The following FBXW2 variants were observed in gnomAD, a reference collection of about 807,000 sequenced individuals.
FBXW2 encodes F-box/WD repeat-containing protein 2.
In FBXW2, 12 loss-of-function variants were observed where a neutral mutation model predicts 46.0. The observed-to-expected ratio is 0.26, with a 90% CI of 0.17 to 0.42. The LOEUF (loss-of-function observed/expected upper bound fraction) is 0.42. FBXW2 is among the 10% of genes least tolerant of loss of function. FBXW2 has a pLI of 1.00. For synonymous variants in FBXW2, 203 were observed against 209.6 expected, an observed-to-expected ratio of 0.97 and a Z score of 0.27; for missense variants, 360 against 537.0, an observed-to-expected ratio of 0.67 and a Z score of 3.26.
intron 5 of FBXW2, among the ~76,000 whole-genome samples, chr9:120,773,190 A>C (rs1361332079): frequency 9.2e-6 from 1 of 108,966 alleles, no homozygotes; most frequent in South Asian, 2.5e-4. Flanking sequence ...ACAACGCTTA[A>C]AAAAAAAAAA....
chr9:120,765,613 G>C (rs2044262819), intron 7 of FBXW2, among the ~76,000 whole-genome samples: 1 of 152,150 alleles, frequency 6.6e-6, no homozygotes, highest in Non-Finnish European at 1.5e-5. Flanking sequence ...TCAACTCCTA[G>C]AATACTGGAA....
At chr9:120,772,872 CT>C in intron 5 of FBXW2, 32 bp from the exon 6 acceptor site, 1 of 1,364,464 alleles carries the variant, frequency 7.3e-7, no homozygotes, top group Non-Finnish European at 1.0e-6. Context: ...CGGAAAGATC[CT>C]TTTAATGCTG....
chr9:120,758,175 C>CA lies in FBXW2; in HGVS notation c.*6383dup, dbSNP rs2044149596. On this transcript the variant is annotated 3_prime_UTR_variant, in exon 8 of 8. Transcript: ENST00000608872. The stretch of plus-strand genomic sequence containing the variant: ...AATGAACTGCACCACTAACCTTACA[C>CA]AAAAATGCTCAGTGAGGCTGGAGTG... 1 of 152,150 alleles carries CA rather than the reference C, an allele frequency of 6.6e-6. No individual in the cohort carries two copies. The highest frequency in any genetic ancestry group is 1.5e-5 in the Non-Finnish European group (1 of 68,036). 9.4% of individuals were successfully genotyped at this position (152,150 alleles called of 1,614,324 possible).
chr9:120,782,057 G>A (rs1001386563), intron 3 of FBXW2, among the ~76,000 whole-genome samples: 1 of 151,312 alleles, frequency 6.6e-6, no homozygotes, highest in African/African-American at 2.4e-5. Context: ...ATTCTGAGAT[G>A]TTATGATATG....
intron 4 of FBXW2, among the ~76,000 whole-genome samples, chr9:120,777,823 A>T (rs947437231): frequency 1.3e-5 from 2 of 151,860 alleles, no homozygotes; most frequent in African/African-American, 4.8e-5. Context: ...GGAAACATTC[A>T]GGTATGTTTC....
chr9:120,778,008 G>A (rs965106713), intron 4 of FBXW2, among the ~76,000 whole-genome samples: 3 of 151,702 alleles, frequency 2.0e-5, no homozygotes, highest in African/African-American at 4.8e-5. Flanking sequence ...CAGTTCAGAG[G>A]TATGGAATCT....
chr9:120,784,572 T>C (rs13297931), intron 3 of FBXW2, among the ~76,000 whole-genome samples: 20,060 of 150,742 alleles, frequency 0.13, 1,424 homozygotes, highest in Middle Eastern at 0.17. Context: ...CAAGATCACA[T>C]CATTGCACTC....
At chr9:120,769,465 C>T (rs2044332106) in intron 7 of FBXW2, among the ~76,000 whole-genome samples, 1 of 152,184 alleles carries the variant, frequency 6.6e-6, no homozygotes, top group African/African-American at 2.4e-5. Flanking sequence ...CACAAGCATA[C>T]ATGAGAAAGC....
At chr9:120,765,006 G>A (rs893580901) in intron 7 of FBXW2, among the ~76,000 whole-genome samples, 159 bp from the exon 8 acceptor site, 2 of 151,912 alleles carry the variant, frequency 1.3e-5, no homozygotes, top group African/African-American at 4.8e-5. Context: ...GAAAAGCTCA[G>A]CCCACTTATA....
intron 7 of FBXW2, among the ~76,000 whole-genome samples, chr9:120,768,977 C>A (rs575806126): frequency 4.5e-4 from 68 of 152,298 alleles, no homozygotes; most frequent in Non-Finnish European, 9.0e-4. Context: ...GACTGAAACA[C>A]AAATATGTTG....
rs1436945059 is a variant in FBXW2, at chr9:120,764,639, G to A, written c.1285C>T (p.His429Tyr). ...EASWLNGLDG[H>Y]NDTGLVFATS... is the part of the protein sequence containing the mutation. ...GCAAAGACCAAGCCCGTGTCATTGTGCCCATCCAGTCCATTCAGCCAGGAT... is the reference window on the plus strand; with the variant it reads ...GCAAAGACCAAGCCCGTGTCATTGTACCCATCCAGTCCATTCAGCCAGGAT... The change falls in exon 8 of 8, where the codon CAC (histidine) becomes TAC (tyrosine). Residue 429 changes from histidine (H) to tyrosine (Y), a missense_variant. By Grantham distance (83) the His-to-Tyr change is moderately conservative. Transcript: ENST00000608872. The A allele has an allele frequency of 1.2e-6, 2 of 1,614,186 alleles. No homozygotes were observed. Among genetic ancestry groups the A allele is most frequent in the South Asian group, 2.2e-5 (2 of 91,084 alleles).
At position 120,770,148 on chromosome 9, in the gene FBXW2, G is replaced by A. The variant is rs574153186; in HGVS notation, c.1076+1200C>T. 1.1e-4 allele frequency among the ~76,000 whole-genome samples: 16 copies of A among 152,222 alleles called. No individual in the cohort carries two copies. The South Asian group carries it at 1.5e-3, about 14-fold the overall frequency. ...TCCCAGCACTTTGGGAGGCCGAGGC[G>A]GGTGGATCACGAGGTCAGGAGATTG... On this transcript the variant is annotated intron_variant, in intron 7 of 7. Transcript: ENST00000608872.
intron 5 of FBXW2, 121 bp from the exon 6 acceptor site, chr9:120,772,961 C>A: frequency 1.5e-6 from 1 of 683,482 alleles, no homozygotes; most frequent in Non-Finnish European, 2.5e-6. Flanking sequence ...AGCCATAACT[C>A]CATTACCAAA....
In FBXW2 at chr9:120,772,787, G is replaced by A; in HGVS notation, c.873C>T (p.Tyr291=). 6.3e-7 allele frequency: 1 copy of A among 1,577,670 alleles called. No individual in the cohort carries two copies. The highest frequency in any genetic ancestry group is 8.6e-7 in the Non-Finnish European group (1 of 1,168,728). The change falls in exon 6 of 8, where the codon TAC becomes TAT. Residue 291 remains tyrosine (Y), a synonymous_variant. Transcript: ENST00000608872. ...VKSLLHSPGD[Y]ILLSADKYEI... is the part of the protein sequence containing the mutation. ...CATATTTGTCTGCACTTAAGAGGATGTAGTCTCCAGGACTGTGCAAGAGAG... is the reference window on the plus strand; with the variant it reads ...CATATTTGTCTGCACTTAAGAGGATATAGTCTCCAGGACTGTGCAAGAGAG...
chr9:120,781,457 G>A (rs980734339), intron 3 of FBXW2, among the ~76,000 whole-genome samples: 1 of 152,228 alleles, frequency 6.6e-6, no homozygotes, highest in South Asian at 2.1e-4. Flanking sequence ...AGGTTTGGCT[G>A]CAGAACTGGG....
chr9:120,778,774 T>C (rs375521675), intron 3 of FBXW2, among the ~76,000 whole-genome samples: 6 of 152,142 alleles, frequency 3.9e-5, no homozygotes, highest in Admixed American at 1.3e-4. Context: ...TGAGACACTT[T>C]CCCTTAACTT....
At chr9:120,769,107 G>A (rs2044326354) in intron 7 of FBXW2, among the ~76,000 whole-genome samples, 1 of 152,226 alleles carries the variant, frequency 6.6e-6, no homozygotes, top group African/African-American at 2.4e-5. Flanking sequence ...CTTACATGCT[G>A]TAGAGATAAC....
chr9:120,786,791 G>A (rs1031992539), intron 3 of FBXW2, among the ~76,000 whole-genome samples: 1 of 152,102 alleles, frequency 6.6e-6, no homozygotes, highest in East Asian at 1.9e-4. Context: ...CTGTCAAAAT[G>A]TATTATCTAA....
At chr9:120,768,109 C>T (rs1384289367) in intron 7 of FBXW2, among the ~76,000 whole-genome samples, 1 of 152,174 alleles carries the variant, frequency 6.6e-6, no homozygotes, top group Non-Finnish European at 1.5e-5. Flanking sequence ...TCAAATGTAC[C>T]TGAGGCTCCT....
Sources: gnomAD v4.1 joint callset for allele counts (sites outside exome capture counted in the v4.1 genomes callset) on GRCh38, gnomAD v4.1.1 for gene constraint, MANE v1.5 for transcripts, NCBI Gene and HGNC (gene_info 2026-07-23, HGNC 2026-07-21) for gene names.